Variants in GRHL2 observed in about 807,000 individuals in gnomAD.
GRHL2 encodes the protein grainyhead like transcription factor 2.
GRHL2 carries 21 observed loss-of-function variants against 83.8 expected under a neutral mutation model. The observed-to-expected ratio is 0.25, with a 90% CI of 0.18 to 0.36. GRHL2 has a LOEUF of 0.36. GRHL2 is among the 10% of genes least tolerant of loss of function. GRHL2 has a pLI of 1.00. For missense variants in GRHL2, 623 were observed against 781.8 expected (o/e 0.80, Z 2.42); for synonymous variants, 280 against 278.9 (o/e 1.00, Z -0.04).
chr8:101,663,752 G>C (rs1253021781), intron 14 of GRHL2, among the ~76,000 whole-genome samples: 1 of 151,788 alleles, frequency 6.6e-6, no homozygotes, highest in African/African-American at 2.4e-5. Context: ...TCCGTGAATT[G>C]CTTCTTCAGG....
At chr8:101,524,902 TACC>T (rs1245343736) in intron 1 of GRHL2, among the ~76,000 whole-genome samples, 2 of 152,154 alleles carry the variant, frequency 1.3e-5, no homozygotes, top group East Asian at 3.8e-4. Flanking sequence ...TTCTATGCCA[TACC>T]ATTATTTTTA....
intron 1 of GRHL2, among the ~76,000 whole-genome samples, chr8:101,517,964 A>G (rs73701916): frequency 0.058 from 8,894 of 152,156 alleles, 330 homozygotes; most frequent in African/African-American, 0.096. Context: ...GCTTATTCCC[A>G]CTACATCACA....
chr8:101,655,092 G>A (rs569968347), intron 14 of GRHL2, among the ~76,000 whole-genome samples: 1 of 152,154 alleles, frequency 6.6e-6, no homozygotes, highest in Admixed American at 6.5e-5. Flanking sequence ...TGAAGCAGGA[G>A]AATCCCTTGA....
At chr8:101,530,745 T>C (rs941592033) in intron 1 of GRHL2, among the ~76,000 whole-genome samples, 4 of 152,226 alleles carry the variant, frequency 2.6e-5, no homozygotes, top group African/African-American at 9.6e-5. Context: ...AAACTTGTTG[T>C]CTTTCTTCAG....
intron 14 of GRHL2, among the ~76,000 whole-genome samples, chr8:101,663,243 T>A (rs1017690199): frequency 4.6e-5 from 7 of 152,128 alleles, no homozygotes; most frequent in Non-Finnish European, 7.4e-5. Flanking sequence ...CATCTGAGAG[T>A]AACAATATGG....
intron 7 of GRHL2, among the ~76,000 whole-genome samples, chr8:101,593,259 T>A (rs1037512677): frequency 4.1e-4 from 62 of 152,224 alleles, no homozygotes; most frequent in Non-Finnish European, 7.1e-4. Flanking sequence ...ATAATTTTTT[T>A]AAACCTGTTT....
intron 8 of GRHL2, among the ~76,000 whole-genome samples, chr8:101,600,928 T>A (rs1277531523): frequency 2.6e-5 from 4 of 152,072 alleles, no homozygotes; most frequent in African/African-American, 9.7e-5. Flanking sequence ...GAGGCCAAGG[T>A]GGGAGGATCC....
Position 101,492,534 on chromosome 8 carries a change from C to A in GRHL2, c.-236C>A. The A allele has an allele frequency of 1.6e-6, 1 of 617,316 alleles. No homozygotes were observed. The highest frequency in any genetic ancestry group is 2.9e-6 in the Non-Finnish European group (1 of 343,468). 38.2% of individuals were successfully genotyped at this position (617,316 alleles called of 1,614,324 possible). On this transcript the variant is annotated 5_prime_UTR_variant, in exon 1 of 16. Coordinates refer to ENST00000646743, the MANE Select transcript of GRHL2 (RefSeq NM_024915.4). ...AGGACTCCGCGCCGCCCGGCCGCCT[C>A]CGAGCTCGGGCCCCATGTGAGGGGC...
chr8:101,639,216 T>C (rs867898163), intron 12 of GRHL2, among the ~76,000 whole-genome samples: 25 of 152,356 alleles, frequency 1.6e-4, no homozygotes, highest in Admixed American at 7.2e-4. Flanking sequence ...TGTGTTATTG[T>C]ACAAACTTGA....
intron 1 of GRHL2, among the ~76,000 whole-genome samples, chr8:101,533,343 C>T (rs1810977583): frequency 6.6e-6 from 1 of 152,166 alleles, no homozygotes; most frequent in East Asian, 1.9e-4. Flanking sequence ...TGCAGCTCCT[C>T]CCATTCTCTT....
chr8:101,511,055 C>A (rs200247515), intron 1 of GRHL2, among the ~76,000 whole-genome samples: 2 of 151,868 alleles, frequency 1.3e-5, no homozygotes, highest in East Asian at 3.9e-4. Flanking sequence ...GAGTGGAGAT[C>A]GTGCCACTGC....
At chr8:101,609,227 G>A (rs983547880) in intron 8 of GRHL2, among the ~76,000 whole-genome samples, 2 of 150,076 alleles carry the variant, frequency 1.3e-5, no homozygotes, top group African/African-American at 5.0e-5. Context: ...AGGGGAAGGA[G>A]AACGAAGAGG....
chr8:101,513,449 C>G (rs16867800), intron 1 of GRHL2, among the ~76,000 whole-genome samples: 5,589 of 148,012 alleles, frequency 0.038, 355 homozygotes, highest in African/African-American at 0.13. Flanking sequence ...TCTCCTCTTT[C>G]CTGGGTGTGT....
chr8:101,664,687 G>A (rs1229223638), intron 15 of GRHL2, among the ~76,000 whole-genome samples, 169 bp downstream of exon 15: 4 of 152,036 alleles, frequency 2.6e-5, no homozygotes, highest in South Asian at 4.1e-4. Flanking sequence ...AGATCTTTAG[G>A]AGAGAGGGAG....
intron 14 of GRHL2, 136 bp downstream of exon 14, chr8:101,649,635 G>A (rs866486728): frequency 1.4e-6 from 1 of 725,414 alleles, no homozygotes; most frequent in Middle Eastern, 2.3e-4. Flanking sequence ...TAAGATTTGT[G>A]GAGGCATTGA....
chr8:101,519,558 CTTTTTTTT>C (rs1156774756), intron 1 of GRHL2, among the ~76,000 whole-genome samples: 1 of 130,312 alleles, frequency 7.7e-6, no homozygotes, highest in Non-Finnish European at 1.6e-5. Flanking sequence ...CCATGACCAG[CTTTTTTTT>C]TTTTTTTTTG....
At chr8:101,493,784 C>A (rs1810028320) in intron 1 of GRHL2, among the ~76,000 whole-genome samples, 1 of 152,044 alleles carries the variant, frequency 6.6e-6, no homozygotes, top group Admixed American at 6.5e-5. Flanking sequence ...GACAGGCACT[C>A]CAGACGCGTC....
chr8:101,601,215 C>A (rs5010126), intron 8 of GRHL2, among the ~76,000 whole-genome samples: 114,988 of 148,042 alleles, frequency 0.78, 44,835 homozygotes, highest in Middle Eastern at 0.83. Context: ...ACCACCACCA[C>A]CAACAACAAC....
At chr8:101,679,739 C>A in the GRHL2 span, among the ~76,000 whole-genome samples, 2 of 150,824 alleles carry the variant, frequency 1.3e-5, no homozygotes, top group Non-Finnish European at 2.9e-5. Flanking sequence ...GGCAGAAACC[C>A]TACAAGCCAG....
Sources: allele counts gnomAD v4.1 joint callset (sites outside exome capture counted in the v4.1 genomes callset), GRCh38; gene constraint gnomAD v4.1.1; transcripts MANE v1.5; gene names NCBI Gene and HGNC (gene_info 2026-07-23, HGNC 2026-07-21).